The following MYOM2 variants were observed in gnomAD, a reference collection of about 807,000 sequenced individuals.
MYOM2 encodes the protein myomesin-2.
Under a neutral mutation model 187.6 loss-of-function variants are expected in MYOM2, and 254 were observed. The ratio of observed to expected loss-of-function variants is 1.35; its 90% CI spans 1.22 to 1.50. The LOEUF is 1.50. Among genes scored for constraint, MYOM2 ranks in the 40% most tolerant of loss-of-function variants. The pLI, the probability that MYOM2 is intolerant of heterozygous loss-of-function variation, is 0.00. For missense variants in MYOM2, 2,796 were observed against 1,924.0 expected, an observed-to-expected ratio of 1.45 and a Z score of -8.48; for synonymous variants, 981 against 753.8, an observed-to-expected ratio of 1.30 and a Z score of -4.94.
chr8:2,137,996 T>C (rs1483982439), intron 32 of MYOM2, among the ~76,000 whole-genome samples: 4 of 152,062 alleles, frequency 2.6e-5, no homozygotes, highest in Non-Finnish European at 4.4e-5. Context: ...CTGTGCAAGG[T>C]TTTTCTTTTC....
Position 2,144,819 on chromosome 8 carries a change from C to G in MYOM2, c.4236C>G (p.Asp1412Glu). Residue 1412 changes from aspartate (D) to glutamate (E), a missense_variant, in exon 37 of 37, where the codon GAC (aspartate) becomes GAG (glutamate). Transcript: ENST00000262113. The stretch of plus-strand genomic sequence containing the variant: ...CCATCAAAGGCGTGACCTCCGAGGA[C>G]TCGGGCAAGTACAGCATCAACATCA... ...SMTIKGVTSE[D>E]SGKYSINIKN... The G allele has an allele frequency of 6.2e-7, 1 of 1,614,166 alleles. No individual in the cohort carries two copies. The highest frequency in any genetic ancestry group is 8.5e-7 in the Non-Finnish European group (1 of 1,180,032).
At chr8:2,045,860 C>A (rs1038181572) in intron 1 of MYOM2, among the ~76,000 whole-genome samples, 1 of 152,290 alleles carries the variant, frequency 6.6e-6, no homozygotes, top group African/African-American at 2.4e-5. Context: ...GGTGGTTGCA[C>A]GTGGAAGGCA....
At chr8:2,076,067 G>A in intron 10 of MYOM2, 74 bp from the exon 11 acceptor site, 3 of 1,412,764 alleles carry the variant, frequency 2.1e-6, no homozygotes, top group Middle Eastern at 2.6e-4. Context: ...GAGCTTGGAG[G>A]AGCTGTAAAC....
chr8:2,144,946 C>G lies in MYOM2; in HGVS notation c.4363C>G (p.Leu1455Val). ...MAPPQQAKPK[L>V]IPASASAAGQ ...CCCGCCCCAGCAAGCCAAGCCCAAGCTCATCCCCGCGTCTGCCTCAGCGGC... is the reference window on the plus strand; with the variant it reads ...CCCGCCCCAGCAAGCCAAGCCCAAGGTCATCCCCGCGTCTGCCTCAGCGGC... Residue 1455 changes from leucine to valine, a missense_variant, in exon 37 of 37, where the codon CTC becomes GTC. Coordinates refer to ENST00000262113, the MANE Select transcript of MYOM2 (RefSeq NM_003970.4). 1.2e-6 allele frequency: 2 copies of G among 1,614,222 alleles called. No individual in the cohort carries two copies. Among genetic ancestry groups the G allele is most frequent in the African/African-American group, 2.7e-5 (2 of 75,060 alleles).
At chr8:2,092,666 A>C (rs977211339) in intron 16 of MYOM2, 146 bp downstream of exon 16, 3 of 802,814 alleles carry the variant, frequency 3.7e-6, no homozygotes, top group Non-Finnish European at 1.8e-6. Flanking sequence ...GGGCTGTATA[A>C]TTTTAAAGTT....
Position 2,144,956 on chromosome 8 carries a change from C to G in MYOM2, c.4373C>G (p.Ala1458Gly), listed in dbSNP as rs562106463. 2 of 1,614,142 alleles carry G rather than the reference C, an allele frequency of 1.2e-6. No individual in the cohort carries two copies. Among genetic ancestry groups the G allele is most frequent in the Non-Finnish European group, 1.7e-6 (2 of 1,180,020 alleles). Residue 1458 changes from alanine to glycine, a missense_variant, in exon 37 of 37, where the codon GCG becomes GGG. Coordinates refer to ENST00000262113, the MANE Select transcript of MYOM2 (RefSeq NM_003970.4). The part of the protein sequence containing the change: ...PQQAKPKLIP[A>G]SASAAGQ ...CAAGCCAAGCCCAAGCTCATCCCCGCGTCTGCCTCAGCGGCAGGCCAGTGA... is the reference window on the plus strand; with the variant it reads ...CAAGCCAAGCCCAAGCTCATCCCCGGGTCTGCCTCAGCGGCAGGCCAGTGA...
chr8:2,085,169 C>A, intron 13 of MYOM2, 94 bp from the exon 14 acceptor site: 10 of 1,468,238 alleles, frequency 6.8e-6, no homozygotes, highest in Non-Finnish European at 9.2e-6. Context: ...ACAAGTTCAA[C>A]ACCCACGTGG....
intron 6 of MYOM2, among the ~76,000 whole-genome samples, chr8:2,064,304 T>C (rs867764116): frequency 6.6e-6 from 1 of 152,166 alleles, no homozygotes; most frequent in Non-Finnish European, 1.5e-5. Context: ...TCCAACACAC[T>C]TCATACAGTA....
chr8:2,126,974 G>C (rs1023384831), intron 31 of MYOM2, among the ~76,000 whole-genome samples: 3 of 149,298 alleles, frequency 2.0e-5, no homozygotes. Context: ...CACTGAGAGA[G>C]GCTGACGGAG....
chr8:2,083,728 C>G (rs1819714602), intron 13 of MYOM2, among the ~76,000 whole-genome samples: 2 of 152,218 alleles, frequency 1.3e-5, no homozygotes, highest in Non-Finnish European at 2.9e-5. Context: ...TCTCCTCTCT[C>G]CATGGTTGGA....
intron 14 of MYOM2, among the ~76,000 whole-genome samples, chr8:2,087,851 C>T (rs57535856): frequency 0.012 from 1,848 of 152,232 alleles, 117 homozygotes; most frequent in Admixed American, 0.11. Context: ...AAATTCCTGG[C>T]ACAAGCAATC....
chr8:2,098,466 C>G (rs1191255693), intron 18 of MYOM2, among the ~76,000 whole-genome samples: 2 of 152,154 alleles, frequency 1.3e-5, no homozygotes, highest in Non-Finnish European at 2.9e-5. Context: ...GCAGGGCCCG[C>G]TCAGGGGACA....
At chr8:2,045,856 T>G (rs539359198) in intron 1 of MYOM2, among the ~76,000 whole-genome samples, 2 of 152,246 alleles carry the variant, frequency 1.3e-5, no homozygotes, top group Admixed American at 6.5e-5. Context: ...GCTGGGTGGT[T>G]GCACGTGGAA....
intron 13 of MYOM2, among the ~76,000 whole-genome samples, chr8:2,079,973 C>T (rs927031369): frequency 1.3e-5 from 2 of 152,142 alleles, no homozygotes; most frequent in South Asian, 2.1e-4. Context: ...ATTGTGAAAT[C>T]GATTTCATTT....
chr8:2,091,439 A>G (rs1231475302), intron 15 of MYOM2, among the ~76,000 whole-genome samples: 1 of 152,182 alleles, frequency 6.6e-6, no homozygotes, highest in Non-Finnish European at 1.5e-5. Context: ...CCCTGGAGTC[A>G]TAACTCCTTC....
chr8:2,076,039 A>G, intron 10 of MYOM2, 102 bp from the exon 11 acceptor site: 1 of 1,172,644 alleles, frequency 8.5e-7, no homozygotes, highest in East Asian at 2.6e-5. Context: ...CAGTGGTCAA[A>G]TCAAGGGGAT....
At chr8:2,115,399 A>G (rs2116833272) in intron 25 of MYOM2, among the ~76,000 whole-genome samples, 1 of 152,354 alleles carries the variant, frequency 6.6e-6, no homozygotes, top group East Asian at 1.9e-4. Context: ...CATGTACTGT[A>G]GAATAAAATG....
At chr8:2,059,276 G>C in intron 6 of MYOM2, 31 bp downstream of exon 6, 3 of 1,597,992 alleles carry the variant, frequency 1.9e-6, no homozygotes, top group Non-Finnish European at 2.6e-6. Flanking sequence ...CTGGACGCTG[G>C]CGTCCAGTAA....
At chr8:2,143,580 G>T in intron 36 of MYOM2, 124 bp downstream of exon 36, 1 of 1,173,340 alleles carries the variant, frequency 8.5e-7, no homozygotes, top group Non-Finnish European at 1.3e-6. Context: ...CAGCCTGCAG[G>T]GAACCCAGAG....
Sources: gnomAD v4.1 joint callset for allele counts (sites outside exome capture counted in the v4.1 genomes callset) on GRCh38, gnomAD v4.1.1 for gene constraint, MANE v1.5 for transcripts, NCBI Gene and HGNC (gene_info 2026-07-23, HGNC 2026-07-21) for gene names.